The following DOCK8 variants were observed in gnomAD, a reference collection of about 807,000 sequenced individuals.
The protein encoded by DOCK8 is dedicator of cytokinesis 8.
Under a neutral mutation model 245.6 loss-of-function variants are expected in DOCK8, and 141 were observed. That is an observed-to-expected ratio of 0.57 (90% CI 0.50 to 0.66). DOCK8 has a LOEUF of 0.66. Ranked by LOEUF, DOCK8 falls within the 30% of genes least tolerant of loss-of-function variation. DOCK8 has a pLI of 0.00. For missense variants in DOCK8, 2,965 were observed against 2,603.4 expected (o/e 1.14, Z -3.02); for synonymous variants, 1,168 against 970.2 (o/e 1.20, Z -3.79).
Position 390,521 on chromosome 9 carries a change from G to T in DOCK8, c.2925G>T (p.Val975=), listed in dbSNP as rs753075543. 1 of 1,614,194 alleles carries T rather than the reference G, an allele frequency of 6.2e-7. No individual in the cohort carries two copies. The highest frequency in any genetic ancestry group is 1.1e-5 in the South Asian group (1 of 91,080). Residue 975 remains valine (V), a synonymous_variant, in exon 24 of 48, where the codon GTG becomes GTT. Coordinates refer to ENST00000432829, the MANE Select transcript of DOCK8 (RefSeq NM_203447.4). The stretch of plus-strand genomic sequence containing the variant: ...AGATGGTGGTCAGCACCGGAATGGT[G>T]AGAGAAACAGTCTTCAAGTATGCCT... ...ALQMVVSTGM[V]RETVFKYAWF... is the part of the protein sequence containing the mutation.
intron 1 of DOCK8, among the ~76,000 whole-genome samples, chr9:256,145 G>A (rs1000521428): frequency 7.2e-5 from 11 of 152,274 alleles, no homozygotes; most frequent in Admixed American, 5.9e-4. Flanking sequence ...TACAGTATTA[G>A]GATTCATAGG....
intron 1 of DOCK8, among the ~76,000 whole-genome samples, chr9:242,218 A>G (rs1335910126): frequency 6.6e-6 from 1 of 152,136 alleles, no homozygotes; most frequent in Non-Finnish European, 1.5e-5. Flanking sequence ...TTATCTGCCT[A>G]GTGGGTCCAC....
At chr9:458,878 G>A (rs1215493964) in intron 46 of DOCK8, among the ~76,000 whole-genome samples, 6 of 152,134 alleles carry the variant, frequency 3.9e-5, no homozygotes, top group Admixed American at 2.6e-4. Flanking sequence ...CTCTGTAGGA[G>A]ACCTTAACTC....
rs575787206 is a variant in DOCK8 at position 463,680 on chromosome 9, C to T, written c.6232C>T (p.Gln2078Ter). ...LYKPIFRVES[Q>*]KRDSFHRSSF... ...CAAGCCAATATTCAGAGTTGAGAGTCAAAAGAGGTAAGAACAGGGCAGAGG... is the reference window on the plus strand; with the variant it reads ...CAAGCCAATATTCAGAGTTGAGAGTTAAAAGAGGTAAGAACAGGGCAGAGG... Residue 2078 changes from glutamine to a stop codon, truncating the protein, a stop_gained, in exon 47 of 48, where the codon CAA (glutamine) becomes TAA (stop). Coordinates refer to ENST00000432829, the MANE Select transcript of DOCK8 (RefSeq NM_203447.4). LOFTEE classifies it high-confidence loss of function. The T allele has an allele frequency of 5.6e-6, 9 of 1,613,612 alleles. No individual in the cohort carries two copies. Among genetic ancestry groups the T allele is most frequent in the Non-Finnish European group, 7.6e-6 (9 of 1,180,040 alleles).
chr9:308,240 G>T (rs1031866923), intron 5 of DOCK8, among the ~76,000 whole-genome samples: 19 of 152,300 alleles, frequency 1.2e-4, no homozygotes, highest in African/African-American at 4.3e-4. Context: ...GATAATTGAG[G>T]CAATGGGTAC....
chr9:291,891 A>AC (rs138696426), intron 4 of DOCK8, among the ~76,000 whole-genome samples: 4,265 of 151,048 alleles, frequency 0.028, 106 homozygotes, highest in South Asian at 0.059. Context: ...ATATACAGAG[A>AC]CCCCACCTCT....
chr9:308,672 T>C (rs1186883816), intron 5 of DOCK8, among the ~76,000 whole-genome samples: 2 of 152,234 alleles, frequency 1.3e-5, no homozygotes, highest in Non-Finnish European at 2.9e-5. Flanking sequence ...TTCTTTCTTT[T>C]TTAGAGACAG....
At chr9:441,537 C>T in intron 41 of DOCK8, 120 bp downstream of exon 41, 1 of 1,475,114 alleles carries the variant, frequency 6.8e-7, no homozygotes, top group Non-Finnish European at 9.3e-7. Flanking sequence ...TGCTTTTGCT[C>T]TCACCTGTCA....
chr9:399,809 G>A (rs2054658385), intron 26 of DOCK8, among the ~76,000 whole-genome samples: 1 of 151,896 alleles, frequency 6.6e-6, no homozygotes, highest in South Asian at 2.1e-4. Flanking sequence ...TTCATGTGCT[G>A]TCTCCCTCAA....
At chr9:223,792 G>T (rs1175907452) in intron 1 of DOCK8, among the ~76,000 whole-genome samples, 1 of 151,620 alleles carries the variant, frequency 6.6e-6, no homozygotes, top group African/African-American at 2.4e-5. Context: ...TTAAAAAAGA[G>T]AACATTACAG....
Position 441,146 on chromosome 9 carries a change from A to AC in DOCK8, c.5224-136dup, listed in dbSNP as rs1221911698. 4.7e-5 allele frequency: 60 copies of AC among 1,266,150 alleles called. No individual in the cohort carries two copies. In the East Asian group the frequency reaches 8.9e-4, roughly 19 times the overall value. The allele number at this position is 1,266,150 out of a possible 1,614,324, so 78.4% of individuals were successfully genotyped here. ...ACCACTGTCCCAAAAGTGCTCAGAT[A>AC]CCCCTTCTTGCCCTGTGAAATACTG... On this transcript the variant is annotated intron_variant, in intron 40 of 47. Transcript: ENST00000432829.
intron 1 of DOCK8, among the ~76,000 whole-genome samples, chr9:243,209 G>C (rs1042474014): frequency 5.3e-5 from 8 of 152,186 alleles, no homozygotes; most frequent in African/African-American, 1.9e-4. Context: ...ATCCAGGAGA[G>C]AATATTTGGA....
chr9:214,945 G>C lies in DOCK8; in HGVS notation c.-32G>C, dbSNP rs746689422. ...CAGGCCCCCGCTTTCCGCACCCCGC[G>C]ACCCTAGAAGCCACCGAACCGCCGG... is the stretch of plus-strand genomic sequence containing the variant. On this transcript the variant is annotated 5_prime_UTR_variant, in exon 1 of 48. Coordinates refer to ENST00000432829, the MANE Select transcript of DOCK8 (RefSeq NM_203447.4). 2 of 1,603,662 alleles carry C rather than the reference G, an allele frequency of 1.2e-6. No homozygotes were observed. The highest frequency in any genetic ancestry group is 1.1e-5 in the South Asian group (1 of 89,904).
rs565492966 is a variant in DOCK8, at chr9:379,430, A to G, written c.2441-341A>G. Among the ~76,000 whole-genome samples the G allele has an allele frequency of 3.7e-4, 57 of 152,280 alleles. 1 individual carries two copies. The highest frequency in any genetic ancestry group is 1.4e-3 in the African/African-American group (57 of 41,552). ...TGAGATTCTGCATTTCTTAGTAGCA[A>G]GCAGGTGATAGTGGTCGTGTGTGTC... On this transcript the variant is annotated intron_variant, in intron 20 of 47. Transcript: ENST00000432829.
intron 45 of DOCK8, among the ~76,000 whole-genome samples, chr9:450,357 C>G (rs867359174): frequency 3.9e-5 from 6 of 152,176 alleles, no homozygotes; most frequent in Admixed American, 6.5e-5. Flanking sequence ...TTGGCTCAGT[C>G]AGCAGATGAA....
At chr9:447,753 T>C (rs1378167765) in intron 44 of DOCK8, among the ~76,000 whole-genome samples, 3 of 152,192 alleles carry the variant, frequency 2.0e-5, no homozygotes, top group Admixed American at 6.5e-5. Context: ...GTGGTGAATA[T>C]ATACCTCATC....
chr9:390,350 A>T, intron 23 of DOCK8, 121 bp from the exon 24 acceptor site: 1 of 903,010 alleles, frequency 1.1e-6, no homozygotes, highest in South Asian at 1.4e-5. Flanking sequence ...AGAACATCTA[A>T]GACACATGCT....
chr9:445,631 A>C lies in DOCK8; in HGVS notation c.5581-739A>C, dbSNP rs67044574. On this transcript the variant is annotated intron_variant, in intron 43 of 47. Coordinates refer to ENST00000432829, the MANE Select transcript of DOCK8 (RefSeq NM_203447.4). ...TACTTCCCGTGCCCATTGGTAGTCCATGTTGCAATAGTTCCTTCCTTTCCG... is the reference window on the plus strand; with the variant it reads ...TACTTCCCGTGCCCATTGGTAGTCCCTGTTGCAATAGTTCCTTCCTTTCCG... Among the ~76,000 whole-genome samples, 806 of 152,322 alleles carry C rather than the reference A, an allele frequency of 5.3e-3. 7 individuals carry two copies. Among genetic ancestry groups the C allele is most frequent in the African/African-American group, 0.017 (693 of 41,558 alleles).
chr9:289,595 T>C lies in DOCK8; in HGVS notation c.404+14T>C. The C allele has an allele frequency of 6.2e-7, 1 of 1,604,532 alleles. No individual in the cohort carries two copies. The highest frequency in any genetic ancestry group is 1.1e-5 in the South Asian group (1 of 89,492). ...CGTGAACCGGAAGTAAGTTACTTTT[T>C]TTCCACTTTTTGTATATAAATATTA... On this transcript the variant is annotated intron_variant, in intron 4 of 47. Transcript: ENST00000432829.
Sources: allele counts gnomAD v4.1 joint callset (sites outside exome capture counted in the v4.1 genomes callset), GRCh38; gene constraint gnomAD v4.1.1; transcripts MANE v1.5; gene names NCBI Gene and HGNC (gene_info 2026-07-23, HGNC 2026-07-21).